IFT88: variants seen among roughly 807,000 people sequenced by gnomAD.
The protein encoded by IFT88 is intraflagellar transport 88.
Under a neutral mutation model 119.5 loss-of-function variants are expected in IFT88, and 74 were observed. That is an observed-to-expected ratio of 0.62 (90% CI 0.51 to 0.75). IFT88 has a LOEUF of 0.75. IFT88 is among the 30% of genes least tolerant of loss of function. The pLI, the probability that IFT88 is intolerant of heterozygous loss-of-function variation, is 0.00. For synonymous variants in IFT88, 279 were observed against 316.7 expected (o/e 0.88, Z 1.26); for missense variants, 961 against 977.7 (o/e 0.98, Z 0.23).
intron 14 of IFT88, among the ~76,000 whole-genome samples, chr13:20,624,194 C>T (rs1372213781): frequency 6.6e-6 from 1 of 152,022 alleles, no homozygotes; most frequent in Non-Finnish European, 1.5e-5. Context: ...TATGTCATGT[C>T]AAGTTTCTTA....
rs745554408 is a variant in IFT88 at position 20,644,988 on chromosome 13, TTAATG to T, written c.1949+32_1949+36del. On this transcript the variant is annotated intron_variant, in intron 20 of 25. Transcript: ENST00000351808. ...GTAATCATTAGGATTTTATGTTTAGTTAATGTCATGTCTTGAGTTTTTTTAATCCC... is the reference window on the plus strand; with the variant it reads ...GTAATCATTAGGATTTTATGTTTAGTTCATGTCTTGAGTTTTTTTAATCCC... 4.5e-5 allele frequency: 47 copies of T among 1,050,752 alleles called. No homozygotes were observed. In the Admixed American group the frequency reaches 6.3e-4, roughly 14 times the overall value. 65.1% of individuals were successfully genotyped at this position (1,050,752 alleles called of 1,614,324 possible).
intron 13 of IFT88, among the ~76,000 whole-genome samples, 179 bp downstream of exon 13, chr13:20,605,284 G>A (rs979423273): frequency 6.6e-6 from 1 of 152,104 alleles, no homozygotes; most frequent in African/African-American, 2.4e-5. Flanking sequence ...TTCTTGAATA[G>A]TGCTATTATT....
intron 23 of IFT88, among the ~76,000 whole-genome samples, chr13:20,669,173 T>C (rs2055325517): frequency 6.6e-6 from 1 of 152,134 alleles, no homozygotes; most frequent in Non-Finnish European, 1.5e-5. Flanking sequence ...GATTCTAGGC[T>C]GGACAGAAAG....
intron 3 of IFT88, among the ~76,000 whole-genome samples, chr13:20,583,815 G>T (rs1296681465): frequency 3.9e-5 from 6 of 152,088 alleles, no homozygotes; most frequent in African/African-American, 1.4e-4. Flanking sequence ...TATGGTATAA[G>T]ATAAAGGTCC....
chr13:20,567,992 A>C (rs374667274), intron 1 of IFT88: 1 of 713,260 alleles, frequency 1.4e-6, no homozygotes, highest in Non-Finnish European at 2.6e-6. Flanking sequence ...ATTCACAAAC[A>C]CTAAGGTAGC....
intron 22 of IFT88, among the ~76,000 whole-genome samples, chr13:20,659,387 G>A (rs952713263): frequency 1.4e-4 from 21 of 151,982 alleles, no homozygotes; most frequent in Admixed American, 6.6e-4. Flanking sequence ...CCACCTGCTC[G>A]GGAGGCTGAG....
intron 24 of IFT88, among the ~76,000 whole-genome samples, chr13:20,681,701 AGTT>A (rs2057337271): frequency 6.6e-6 from 1 of 152,270 alleles, no homozygotes; most frequent in African/African-American, 2.4e-5. Flanking sequence ...TAAAGTCATC[AGTT>A]GTTCATCTGT....
intron 24 of IFT88, among the ~76,000 whole-genome samples, chr13:20,674,724 A>AT (rs35617736): frequency 0.088 from 6,511 of 73,772 alleles, 538 homozygotes; most frequent in Admixed American, 0.19. Flanking sequence ...ATATATATAT[A>AT]TTTTTTTTTT....
intron 2 of IFT88, 92 bp downstream of exon 2, chr13:20,574,567 T>C (rs1214574963): frequency 2.2e-5 from 13 of 599,250 alleles, no homozygotes; most frequent in African/African-American, 1.7e-4. Context: ...TATTATGCTT[T>C]AGATTAAATA....
At chr13:20,682,754 A>AT (rs2057464876) in intron 24 of IFT88, among the ~76,000 whole-genome samples, 1 of 152,196 alleles carries the variant, frequency 6.6e-6, no homozygotes, top group Admixed American at 6.5e-5. Context: ...CACTGTGAAA[A>AT]TTTTTTACAA....
chr13:20,672,971 C>T (rs1179791035), intron 24 of IFT88, among the ~76,000 whole-genome samples: 1 of 152,142 alleles, frequency 6.6e-6, no homozygotes, highest in Non-Finnish European at 1.5e-5. Flanking sequence ...CTAGACAGCT[C>T]CCCAGACCAG....
At chr13:20,568,469 C>T (rs979379607) in intron 1 of IFT88, among the ~76,000 whole-genome samples, 14 of 152,230 alleles carry the variant, frequency 9.2e-5, no homozygotes, top group Non-Finnish European at 1.9e-4. Context: ...TTTTAAAAAT[C>T]TGGTTACAAC....
intron 24 of IFT88, among the ~76,000 whole-genome samples, chr13:20,679,532 C>T (rs1047697684): frequency 4.6e-5 from 7 of 152,150 alleles, no homozygotes; most frequent in African/African-American, 1.2e-4. Flanking sequence ...TACGCCTTCT[C>T]GGGCTCTTAC....
intron 24 of IFT88, among the ~76,000 whole-genome samples, chr13:20,684,777 C>G (rs2057708078): frequency 6.6e-6 from 1 of 152,238 alleles, no homozygotes; most frequent in Admixed American, 6.5e-5. Context: ...TGCTTCCGAG[C>G]TCCCCTTCTT....
intron 21 of IFT88, among the ~76,000 whole-genome samples, chr13:20,655,921 T>G (rs1388521086): frequency 1.3e-5 from 2 of 152,128 alleles, no homozygotes; most frequent in African/African-American, 4.8e-5. Context: ...TTTAGAAAAT[T>G]GAATGGATCT....
chr13:20,611,077 G>A (rs1251652741), intron 13 of IFT88, among the ~76,000 whole-genome samples: 1 of 151,742 alleles, frequency 6.6e-6, no homozygotes, highest in Non-Finnish European at 1.5e-5. Context: ...GGGTGACAGA[G>A]TGAGACCCCA....
At chr13:20,606,562 C>T (rs2043498070) in intron 13 of IFT88, among the ~76,000 whole-genome samples, 1 of 152,134 alleles carries the variant, frequency 6.6e-6, no homozygotes, top group African/African-American at 2.4e-5. Flanking sequence ...TCTCATAATT[C>T]AGAAATGTCC....
At chr13:20,667,325 C>T (rs962397824) in intron 23 of IFT88, among the ~76,000 whole-genome samples, 2 of 152,290 alleles carry the variant, frequency 1.3e-5, no homozygotes, top group East Asian at 3.9e-4. Flanking sequence ...ACTATGTTTA[C>T]AAGTGTTTAC....
chr13:20,620,656 C>T (rs1451176054), intron 14 of IFT88, among the ~76,000 whole-genome samples: 2 of 151,958 alleles, frequency 1.3e-5, no homozygotes, highest in African/African-American at 4.8e-5. Flanking sequence ...ACCTCCACCT[C>T]CCGGGTTCAG....
Sources: gnomAD v4.1 joint callset for allele counts (sites outside exome capture counted in the v4.1 genomes callset) on GRCh38, gnomAD v4.1.1 for gene constraint, MANE v1.5 for transcripts, NCBI Gene and HGNC (gene_info 2026-07-23, HGNC 2026-07-21) for gene names.